TUBB1: variants seen among roughly 807,000 people sequenced by gnomAD.
TUBB1 encodes the protein tubulin beta 1 class VI, also known as tubulin beta-1 chain.
TUBB1 carries 28 observed loss-of-function variants against 22.6 expected under a neutral mutation model. The observed-to-expected ratio is 1.24, with a 90% CI of 0.92 to 1.70. The LOEUF is 1.70. Ranked by LOEUF, TUBB1 falls within the 40% of genes most tolerant of loss-of-function variation. TUBB1 has a pLI of 0.00. For missense variants in TUBB1, 577 were observed against 605.5 expected (o/e 0.95, Z 0.49); for synonymous variants, 226 against 238.0 (o/e 0.95, Z 0.46).
At chr20:59,020,646 T>G (rs1465095238) in intron 1 of TUBB1, among the ~76,000 whole-genome samples, 3 of 152,262 alleles carry the variant, frequency 2.0e-5, no homozygotes, top group Non-Finnish European at 4.4e-5. Flanking sequence ...AATTACTGTT[T>G]TATTAGTATG....
rs200545008 is a variant in TUBB1, at chr20:59,024,752, C to G, written c.1325C>G (p.Ala442Gly). The G allele has an allele frequency of 1.9e-6, 3 of 1,614,056 alleles. No homozygotes were observed. Among genetic ancestry groups the G allele is most frequent in the Non-Finnish European group, 2.5e-6 (3 of 1,180,016 alleles). ...LEEDEEVTEEAEMEPEDKGH is the reference protein window; with the variant it reads ...LEEDEEVTEEGEMEPEDKGH The stretch of plus-strand genomic sequence containing the variant: ...GAAGATGAAGAGGTCACGGAGGAGG[C>G]AGAAATGGAGCCAGAAGATAAGGGA... The change falls in exon 4 of 4, where the codon GCA (alanine) becomes GGA (glycine). Residue 442 changes from alanine (A) to glycine (G), a missense_variant. Coordinates refer to ENST00000217133, the MANE Select transcript of TUBB1 (RefSeq NM_030773.4). The surrounding 1 kb of genome is among the most constrained non-coding windows in gnomAD (Gnocchi z 4.9).
rs2091980729 is a variant in TUBB1, at chr20:59,024,007, G to A, written c.580G>A (p.Glu194Lys). 1 of 1,614,204 alleles carries A rather than the reference G, an allele frequency of 6.2e-7. No individual in the cohort carries two copies. The highest frequency in any genetic ancestry group is 1.1e-5 in the South Asian group (1 of 91,084). Residue 194 changes from glutamate (E) to lysine (K), a missense_variant, in exon 4 of 4, where the codon GAG becomes AAG. Glu to Lys is a moderately conservative substitution (Grantham distance 56). Transcript: ENST00000217133. The surrounding 1 kb of genome is among the most constrained non-coding windows in gnomAD (Gnocchi z 4.9). ...NAVLSIHQLI[E>K]NADACFCIDN... ...GGTTCTGTCTATCCACCAGCTGATT[G>A]AGAATGCAGATGCCTGTTTCTGCAT...
intron 1 of TUBB1, 144 bp downstream of exon 1, chr20:59,019,723 T>G (rs1429313702): frequency 3.5e-6 from 3 of 858,768 alleles, no homozygotes; most frequent in Non-Finnish European, 5.6e-6. Context: ...CCTTTGGGCT[T>G]TAATTCTTAA....
rs778875081 is a variant in TUBB1, at chr20:59,022,821, C to T, written c.58-24C>T. The T allele has an allele frequency of 5.0e-6, 8 of 1,610,578 alleles. No homozygotes were observed. The East Asian group carries it at 1.6e-4, about 31-fold the overall frequency. On this transcript the variant is annotated intron_variant, in intron 1 of 3. Transcript: ENST00000217133. ...CACAGCCTTTTTCGGGGTCCGTTTA[C>T]TCTGACCTTCCTCCTGCTTTCAGTT...
At chr20:59,019,649 CTAAG>C in intron 1 of TUBB1, 70 bp downstream of exon 1, 1 of 1,473,420 alleles carries the variant, frequency 6.8e-7, no homozygotes, top group South Asian at 1.1e-5. Context: ...AAAAAATACC[CTAAG>C]TTAGCAGGGA....
Position 59,026,538 on chromosome 20 carries a change from A to C in TUBB1, c.*1755A>C, listed in dbSNP as rs565037110. ...CCTTTTAAAAAACTTTTGCTGACTT[A>C]TATTACTGTAAAGATTTGTTTGCTC... On this transcript the variant is annotated 3_prime_UTR_variant, in exon 4 of 4. Transcript: ENST00000217133. The C allele has an allele frequency of 6.6e-6, 1 of 152,384 alleles. No individual in the cohort carries two copies. Among genetic ancestry groups the C allele is most frequent in the South Asian group, 2.1e-4 (1 of 4,832 alleles). 9.4% of individuals were successfully genotyped at this position (152,384 alleles called of 1,614,324 possible).
At chr20:59,017,129 T>C (rs2091948348), upstream of TUBB1, among the ~76,000 whole-genome samples, 3 of 152,336 alleles carry the variant, frequency 2.0e-5, no homozygotes, top group Admixed American at 2.0e-4. Context: ...CTTCATAATA[T>C]GGGATCTCCT....
In TUBB1 at chr20:59,024,098, A is replaced by ATC. The variant is rs760161606; in HGVS notation, c.674_675dup (p.Asn226SerfsTer4). On this transcript the variant is annotated frameshift_variant, in exon 4 of 4. Transcript: ENST00000217133. LOFTEE classifies it high-confidence loss of function. This position sits in a 1 kb window ranked among gnomAD's most constrained non-coding sequence, Gnocchi z 4.9. ...AAGCTGACGACACCCACCTATGGGG[A>ATC]TCTCAACCACCTAGTGTCCTTGACC... The ATC allele has an allele frequency of 6.2e-7, 1 of 1,614,156 alleles. No individual in the cohort carries two copies. Among genetic ancestry groups the ATC allele is most frequent in the Non-Finnish European group, 8.5e-7 (1 of 1,180,026 alleles).
Position 59,023,525 on chromosome 20 carries a change from C to G in TUBB1, c.202C>G (p.Leu68Val). ...KYVPRAVLVD[L>V]EPGTMDSIRS... ...TGTGCCCCGAGCAGTCTTGGTGGAC[C>G]TAGAACCTGGGACGATGGACAGCAT... is the stretch of plus-strand genomic sequence containing the variant. Residue 68 changes from leucine (L) to valine (V), a missense_variant, in exon 3 of 4, where the codon CTA (leucine) becomes GTA (valine). Transcript: ENST00000217133. The G allele has an allele frequency of 4.3e-6, 7 of 1,614,088 alleles. No individual in the cohort carries two copies. Among genetic ancestry groups the G allele is most frequent in the Non-Finnish European group, 4.2e-6 (5 of 1,180,008 alleles).
chr20:59,024,387 G>A lies in TUBB1; in HGVS notation c.960G>A (p.Lys320=), dbSNP rs755724083. ...YLTVACIFRG[K]MSTKEVDQQL... ...CAGTGGCCTGCATTTTCCGGGGCAA[G>A]ATGTCCACCAAGGAAGTGGACCAGC... The change falls in exon 4 of 4, where the codon AAG becomes AAA. Residue 320 remains lysine, a synonymous_variant. Coordinates refer to ENST00000217133, the MANE Select transcript of TUBB1 (RefSeq NM_030773.4). This position sits in a 1 kb window ranked among gnomAD's most constrained non-coding sequence, Gnocchi z 4.9. 24 of 1,614,060 alleles carry A rather than the reference G, an allele frequency of 1.5e-5. No individual in the cohort carries two copies. The highest frequency in any genetic ancestry group is 2.0e-5 in the Non-Finnish European group (24 of 1,180,018).
chr20:59,023,930 G>GCTGA lies in TUBB1; in HGVS notation c.504_505insTGAC (p.Val169Ter). On this transcript the variant is annotated stop_gained and frameshift_variant, in exon 4 of 4. Transcript: ENST00000217133. LOFTEE classifies it high-confidence loss of function. ...CCGGACCGGATCATGAATTCCTTCAGCGTCATGCCTTCTCCCAAGGTGTCG... is the reference window on the plus strand; with the variant it reads ...CCGGACCGGATCATGAATTCCTTCAGCTGACGTCATGCCTTCTCCCAAGGTGTCG... 1 of 1,614,206 alleles carries GCTGA rather than the reference G, an allele frequency of 6.2e-7. No homozygotes were observed. The highest frequency in any genetic ancestry group is 8.5e-7 in the Non-Finnish European group (1 of 1,180,038).
At chr20:59,022,721 T>G in intron 1 of TUBB1, 124 bp from the exon 2 acceptor site, 2 of 825,908 alleles carry the variant, frequency 2.4e-6, no homozygotes, top group Non-Finnish European at 4.1e-6. Context: ...GAAAAGGCCC[T>G]AAAAGAATGT....
In TUBB1 at chr20:59,023,979, C is replaced by T. The variant is rs771679301; in HGVS notation, c.552C>T (p.Asn184=). 1.3e-5 allele frequency: 21 copies of T among 1,613,970 alleles called. No homozygotes were observed. Among genetic ancestry groups the T allele is most frequent in the Admixed American group, 3.3e-5 (2 of 60,004 alleles). ...CGGACACTGTGGTGGAGCCCTACAACGCGGTTCTGTCTATCCACCAGCTGA... is the reference window on the plus strand; with the variant it reads ...CGGACACTGTGGTGGAGCCCTACAATGCGGTTCTGTCTATCCACCAGCTGA... The part of the protein sequence containing the change: ...KVSDTVVEPY[N]AVLSIHQLIE... The change falls in exon 4 of 4, where the codon AAC becomes AAT. Residue 184 remains asparagine, a synonymous_variant. Transcript: ENST00000217133.
At chr20:59,019,924 G>A (rs2091960409) in intron 1 of TUBB1, among the ~76,000 whole-genome samples, 1 of 152,094 alleles carries the variant, frequency 6.6e-6, no homozygotes, top group Non-Finnish European at 1.5e-5. Context: ...TGCCCAGGCT[G>A]GAGTAGAGTG....
At chr20:59,022,276 AG>A (rs1474842403) in intron 1 of TUBB1, among the ~76,000 whole-genome samples, 2 of 149,528 alleles carry the variant, frequency 1.3e-5, no homozygotes, top group Non-Finnish European at 3.0e-5. Flanking sequence ...CGGAGGTTGC[AG>A]TGAGCCGAGA....
rs10590022 is a variant in TUBB1, at chr20:59,022,316, C to CAAAAAAAAAAAAAAAAAAAAAAAA, written c.58-511_58-510insAAAAAAAAAAAAAAAAAAAAAAAA. 1.9e-5 allele frequency among the ~76,000 whole-genome samples: 2 copies of CAAAAAAAAAAAAAAAAAAAAAAAA among 104,394 alleles called. 1 individual carries two copies. The highest frequency in any genetic ancestry group is 6.8e-5 in the African/African-American group (2 of 29,212). The allele number at this position is 104,394 out of a possible 152,430, so 68.5% of individuals were successfully genotyped here. A position where few individuals can be genotyped will look rare whatever the true frequency, so the allele number is the denominator to read the frequency against. The stretch of plus-strand genomic sequence containing the variant: ...CGCCACTGCACAGATAAGACTCCAT[C>CAAAAAAAAAAAAAAAAAAAAAAAA]AAAAAAAAAAAAAAAAAAGGCGCTA... On this transcript the variant is annotated intron_variant, in intron 1 of 3. Transcript: ENST00000217133.
At chr20:59,020,487 T>G (rs1295854092) in intron 1 of TUBB1, among the ~76,000 whole-genome samples, 1 of 152,038 alleles carries the variant, frequency 6.6e-6, no homozygotes, top group Non-Finnish European at 1.5e-5. Flanking sequence ...CCTGGCCCAC[T>G]TTTATCTTAA....
At chr20:59,021,246 C>T (rs1601236787) in intron 1 of TUBB1, among the ~76,000 whole-genome samples, 1 of 152,178 alleles carries the variant, frequency 6.6e-6, no homozygotes, top group Non-Finnish European at 1.5e-5. Context: ...AGGGTTTTAG[C>T]TCTCACTCTG....
chr20:59,024,284 T>A lies in TUBB1; in HGVS notation c.857T>A (p.Val286Glu). 6.2e-7 allele frequency: 1 copy of A among 1,614,020 alleles called. No homozygotes were observed. Among genetic ancestry groups the A allele is most frequent in the Non-Finnish European group, 8.5e-7 (1 of 1,180,034 alleles). ...AGCCAGCAGTACCGAGCCCTCTCCG[T>A]GGCCGAGCTCACCCAGCAGATGTTC... ...QGSQQYRALS[V>E]AELTQQMFDA... The change falls in exon 4 of 4, where the codon GTG becomes GAG. Residue 286 changes from valine to glutamate, a missense_variant. By Grantham distance (121) the Val-to-Glu change is moderately radical. Coordinates refer to ENST00000217133, the MANE Select transcript of TUBB1 (RefSeq NM_030773.4). This position sits in a 1 kb window ranked among gnomAD's most constrained non-coding sequence, Gnocchi z 4.9.
Sources: allele counts gnomAD v4.1 joint callset (sites outside exome capture counted in the v4.1 genomes callset), GRCh38; gene constraint gnomAD v4.1.1; non-coding constraint Gnocchi (gnomAD v3.1); transcripts MANE v1.5; gene names NCBI Gene and HGNC (gene_info 2026-07-23, HGNC 2026-07-21).